Variants in FLVCR2 observed in about 807,000 individuals in gnomAD.
The protein encoded by FLVCR2 is choline/ethanolamine transporter FLVCR2.
FLVCR2 carries 38 observed loss-of-function variants against 48.9 expected under a neutral mutation model. The ratio of observed to expected loss-of-function variants is 0.78; its 90% CI spans 0.60 to 1.02. The LOEUF (loss-of-function observed/expected upper bound fraction) is 1.02. FLVCR2 is among the 50% of genes least tolerant of loss of function. The pLI, the probability that FLVCR2 is intolerant of heterozygous loss-of-function variation, is 0.00. For missense variants in FLVCR2, 664 were observed against 663.3 expected (o/e 1.00, Z -0.01); for synonymous variants, 255 against 257.0 (o/e 0.99, Z 0.07).
intron 1 of FLVCR2, among the ~76,000 whole-genome samples, chr14:75,614,209 C>T (rs924261483): frequency 3.3e-5 from 5 of 152,214 alleles, no homozygotes; most frequent in African/African-American, 1.2e-4. Context: ...GGATCCTCAA[C>T]CATGCTTTTT....
intron 1 of FLVCR2, among the ~76,000 whole-genome samples, chr14:75,613,335 T>C (rs1244556713): frequency 6.6e-6 from 1 of 151,950 alleles, no homozygotes; most frequent in African/African-American, 2.4e-5. Context: ...GGGTGTCACA[T>C]GGCAAGAGTA....
Position 75,579,002 on chromosome 14 carries a change from G to C in FLVCR2, c.30G>C (p.Glu10Asp), listed in dbSNP as rs764747260. 9.3e-6 allele frequency: 15 copies of C among 1,614,012 alleles called. No homozygotes were observed. The highest frequency in any genetic ancestry group is 1.3e-5 in the Non-Finnish European group (15 of 1,179,996). The change falls in exon 1 of 10, where the codon GAG (glutamate) becomes GAC (aspartate). Residue 10 changes from glutamate (E) to aspartate (D), a missense_variant. Transcript: ENST00000238667. The part of the protein sequence containing the change: MVNEGPNQE[E>D]SDDTPVPESA... The stretch of plus-strand genomic sequence containing the variant: ...TGAATGAAGGTCCCAACCAGGAAGA[G>C]AGCGATGACACCCCTGTGCCGGAGT...
chr14:75,630,676 C>T (rs536221687), intron 3 of FLVCR2, among the ~76,000 whole-genome samples: 210 of 152,146 alleles, frequency 1.4e-3, no homozygotes, highest in African/African-American at 4.3e-3. Flanking sequence ...GTAAACATAG[C>T]GAGACCCCAA....
chr14:75,641,419 G>C, intron 8 of FLVCR2, 126 bp downstream of exon 8: 1 of 723,212 alleles, frequency 1.4e-6, no homozygotes, highest in South Asian at 1.5e-5. Context: ...TGGGGAATCT[G>C]TTGGGAGGCA....
Position 75,594,621 on chromosome 14 carries a change from G to A in FLVCR2, c.669+14980G>A, listed in dbSNP as rs187333684. 2.1e-4 allele frequency among the ~76,000 whole-genome samples: 32 copies of A among 152,252 alleles called. No homozygotes were observed. In the East Asian group the frequency reaches 4.8e-3, roughly 23 times the overall value. On this transcript the variant is annotated intron_variant, in intron 1 of 9. Coordinates refer to ENST00000238667, the MANE Select transcript of FLVCR2 (RefSeq NM_017791.3). Reference sequence around the variant, plus strand: ...GCTGCATCATAACATGGCAGGAGCCGTCACATGGGTGACAGAAAGAATAAG... The same window carrying A: ...GCTGCATCATAACATGGCAGGAGCCATCACATGGGTGACAGAAAGAATAAG...
At chr14:75,636,926 C>A (rs1320076422) in intron 5 of FLVCR2, among the ~76,000 whole-genome samples, 2 of 152,188 alleles carry the variant, frequency 1.3e-5, no homozygotes. Context: ...GATCATCGGG[C>A]AAGACTGGCG....
At chr14:75,616,316 ACT>A (rs1889616486) in intron 1 of FLVCR2, among the ~76,000 whole-genome samples, 2 of 151,092 alleles carry the variant, frequency 1.3e-5, no homozygotes, top group Non-Finnish European at 3.0e-5. Context: ...ACAGAGTGAG[ACT>A]CTGTCTCAAA....
At chr14:75,631,296 C>A (rs1035014540) in intron 3 of FLVCR2, among the ~76,000 whole-genome samples, 1 of 152,168 alleles carries the variant, frequency 6.6e-6, no homozygotes, top group Non-Finnish European at 1.5e-5. Context: ...ACCTGGAGCA[C>A]GATCAGAATC....
chr14:75,598,720 G>C (rs932547996), intron 1 of FLVCR2, among the ~76,000 whole-genome samples: 1 of 152,174 alleles, frequency 6.6e-6, no homozygotes, highest in South Asian at 2.1e-4. Context: ...AAGCGATCCT[G>C]CTGCCTCCGC....
chr14:75,636,583 C>G (rs1173209122), intron 5 of FLVCR2, among the ~76,000 whole-genome samples: 1 of 152,180 alleles, frequency 6.6e-6, no homozygotes, highest in Non-Finnish European at 1.5e-5. Context: ...GGGAAGAACA[C>G]TTTCTCAGCC....
At chr14:75,603,135 A>T (rs1351244142) in intron 1 of FLVCR2, among the ~76,000 whole-genome samples, 2 of 152,242 alleles carry the variant, frequency 1.3e-5, no homozygotes, top group Non-Finnish European at 2.9e-5. Context: ...TGATAGGGAC[A>T]GGAGGCAGAG....
chr14:75,633,212 T>C (rs1890088709), intron 3 of FLVCR2, among the ~76,000 whole-genome samples: 1 of 152,098 alleles, frequency 6.6e-6, no homozygotes, highest in Non-Finnish European at 1.5e-5. Flanking sequence ...TGGTGTCAGA[T>C]GTCAGAGGTC....
At chr14:75,631,576 A>C (rs1890037863) in intron 3 of FLVCR2, 7 of 346,752 alleles carry the variant, frequency 2.0e-5, no homozygotes, top group South Asian at 1.5e-4. Flanking sequence ...GGATTCTGCC[A>C]TCCTTGGCTC....
chr14:75,596,067 A>G (rs1304823825), intron 1 of FLVCR2: 4 of 1,232,104 alleles, frequency 3.2e-6, no homozygotes, highest in Non-Finnish European at 3.6e-6. Context: ...GGTCTTGTAC[A>G]TTTTGGCTAG....
At chr14:75,626,990 C>T (rs1025517207) in intron 3 of FLVCR2, among the ~76,000 whole-genome samples, 3 of 151,912 alleles carry the variant, frequency 2.0e-5, no homozygotes, top group African/African-American at 7.3e-5. Flanking sequence ...CTGTGGTCCT[C>T]AGTGCTGGAG....
intron 8 of FLVCR2, among the ~76,000 whole-genome samples, chr14:75,641,526 G>C (rs1453813404): frequency 6.6e-6 from 1 of 152,158 alleles, no homozygotes; most frequent in Non-Finnish European, 1.5e-5. Context: ...TATTGACCTT[G>C]GATAAGTGGA....
At chr14:75,614,316 A>G (rs1244919342) in intron 1 of FLVCR2, among the ~76,000 whole-genome samples, 1 of 152,254 alleles carries the variant, frequency 6.6e-6, no homozygotes, top group Non-Finnish European at 1.5e-5. Flanking sequence ...TGCAGTGGCA[A>G]TGGTGCTTTC....
At chr14:75,580,931 C>A (rs1260330851) in intron 1 of FLVCR2, among the ~76,000 whole-genome samples, 1 of 152,146 alleles carries the variant, frequency 6.6e-6, no homozygotes, top group East Asian at 1.9e-4. Context: ...GCCTGACATT[C>A]CTGTCTTCTT....
At chr14:75,613,359 G>A (rs902337910) in intron 1 of FLVCR2, among the ~76,000 whole-genome samples, 2 of 151,982 alleles carry the variant, frequency 1.3e-5, no homozygotes, top group African/African-American at 2.4e-5. Flanking sequence ...GCAAGAGAGA[G>A]TGAGGGGGAA....
Sources: gnomAD v4.1 joint callset for allele counts (sites outside exome capture counted in the v4.1 genomes callset) on GRCh38, gnomAD v4.1.1 for gene constraint, MANE v1.5 for transcripts, NCBI Gene and HGNC (gene_info 2026-07-23, HGNC 2026-07-21) for gene names.